Variants in DMPK observed in about 807,000 individuals in gnomAD.
DMPK encodes DM1 protein kinase.
In DMPK, 32 loss-of-function variants were observed where a neutral mutation model predicts 70.3. That is an observed-to-expected ratio of 0.46 (90% CI 0.34 to 0.61). The LOEUF (loss-of-function observed/expected upper bound fraction) is 0.61. Ranked by LOEUF, DMPK falls within the 20% of genes least tolerant of loss-of-function variation. DMPK has a pLI of 0.01. For synonymous variants in DMPK, 469 were observed against 390.9 expected, an observed-to-expected ratio of 1.20 and a Z score of -2.36; for missense variants, 899 against 886.0, an observed-to-expected ratio of 1.01 and a Z score of -0.19.
At position 45,777,161 on chromosome 19, in the gene DMPK, G is replaced by A. The variant is rs978776970; in HGVS notation, c.1146+166C>T. 9.0e-5 allele frequency: 87 copies of A among 962,050 alleles called. No individual in the cohort carries two copies. Among genetic ancestry groups the A allele is most frequent in the Non-Finnish European group, 1.2e-4 (79 of 674,750 alleles). The allele number at this position is 962,050 out of a possible 1,614,324, so 59.6% of individuals were successfully genotyped here. A position where few individuals can be genotyped will look rare whatever the true frequency, so the allele number is the denominator to read the frequency against. ...CTGCTCTGTGTTCCCCCACTGGACT[G>A]TAAGTCTAGGTCACTGCTGGGTCCT... On this transcript the variant is annotated intron_variant, in intron 8 of 14. Coordinates refer to ENST00000291270, the MANE Select transcript of DMPK (RefSeq NM_004409.5). The surrounding 1 kb of genome is among the most constrained non-coding windows in gnomAD (Gnocchi z 6.7).
chr19:45,777,388 G>A lies in DMPK; in HGVS notation c.1085C>T (p.Thr362Ile). ...PPFTPDFEGATDTCNFDLVED... is the reference protein window; with the variant it reads ...PPFTPDFEGAIDTCNFDLVED... Reference sequence around the variant, plus strand: ...CACCAAGTCGAAGTTGCATGTGTCGGTGGCACCTTCGAAATCCGGTGTAAA... The same window carrying A: ...CACCAAGTCGAAGTTGCATGTGTCGATGGCACCTTCGAAATCCGGTGTAAA... The change falls in exon 8 of 15, where the codon ACC (threonine) becomes ATC (isoleucine). Residue 362 changes from threonine (T) to isoleucine (I), a missense_variant. This residue lies in a region of DMPK where 555 missense variants were observed against 483.8 expected (regional missense o/e 1.15). Transcript: ENST00000291270. The surrounding 1 kb of genome is among the most constrained non-coding windows in gnomAD (Gnocchi z 6.7). 1 of 1,611,464 alleles carries A rather than the reference G, an allele frequency of 6.2e-7. No homozygotes were observed. The highest frequency in any genetic ancestry group is 8.5e-7 in the Non-Finnish European group (1 of 1,178,584).
intron 1 of DMPK, 88 bp downstream of exon 1, chr19:45,782,105 C>T: frequency 1.5e-5 from 9 of 600,452 alleles, no homozygotes; most frequent in East Asian, 5.5e-5. Flanking sequence ...TGCCATCCTG[C>T]CCCCCCAACA....
Position 45,771,406 on chromosome 19 carries a change from G to A in DMPK, c.1601-10C>T. 1.2e-6 allele frequency: 2 copies of A among 1,608,966 alleles called. No individual in the cohort carries two copies. The highest frequency in any genetic ancestry group is 1.7e-6 in the Non-Finnish European group (2 of 1,178,464). Reference sequence around the variant, plus strand: ...GGGACCCCCGTGACAGCTGGAAGGAGAAGAAAGAGGCATAGGGCGCGTGGA... The same window carrying A: ...GGGACCCCCGTGACAGCTGGAAGGAAAAGAAAGAGGCATAGGGCGCGTGGA... On this transcript the variant is annotated splice_polypyrimidine_tract_variant and intron_variant, in intron 12 of 14. Coordinates refer to ENST00000291270, the MANE Select transcript of DMPK (RefSeq NM_004409.5).
chr19:45,779,695 T>G (rs1213184130), intron 2 of DMPK, 83 bp downstream of exon 2: 23 of 1,529,210 alleles, frequency 1.5e-5, no homozygotes, highest in Non-Finnish European at 1.9e-5. Context: ...GGCTCGGTCA[T>G]TCATCAATTT....
At chr19:45,780,618 G>A in intron 1 of DMPK, 1 of 1,011,526 alleles carries the variant, frequency 9.9e-7, no homozygotes, top group Non-Finnish European at 1.2e-6. Flanking sequence ...GGACTGTGGG[G>A]ACAGGGAGGC....
At position 45,771,559 on chromosome 19, in the gene DMPK, G is replaced by A; in HGVS notation, c.1600+9C>T. The A allele has an allele frequency of 1.2e-6, 2 of 1,613,936 alleles. No homozygotes were observed. The highest frequency in any genetic ancestry group is 8.5e-7 in the Non-Finnish European group (1 of 1,179,942). ...GTCCTCCGGGGAAGGGGACACATGA[G>A]GGACTCACCTGTGGCTCCCTCTGCC... On this transcript the variant is annotated intron_variant, in intron 12 of 14. Coordinates refer to ENST00000291270, the MANE Select transcript of DMPK (RefSeq NM_004409.5).
rs910204357 is a variant in DMPK, at chr19:45,778,419, C to A, written c.581+74G>T. On this transcript the variant is annotated intron_variant, in intron 5 of 14. Coordinates refer to ENST00000291270, the MANE Select transcript of DMPK (RefSeq NM_004409.5). ...AGAAGGTCCCTCTCCAGGCCCTGGC[C>A]TCTCTGGGCTCTGACCTTCCAAGAA... The A allele has an allele frequency of 3.8e-6, 6 of 1,565,536 alleles. No homozygotes were observed. In the East Asian group the frequency reaches 9.0e-5, roughly 24 times the overall value.
In DMPK at chr19:45,771,332, G is replaced by A. The variant is rs552272866; in HGVS notation, c.1647+18C>T. ...AATGGGCAGCAGGTCTGAGGCAGGG[G>A]AAAGAGAGGGGTCTTACATGGGAAG... On this transcript the variant is annotated intron_variant, in intron 13 of 14. Transcript: ENST00000291270. The A allele has an allele frequency of 6.9e-6, 11 of 1,584,892 alleles. No homozygotes were observed. In the South Asian group the frequency reaches 1.1e-4, roughly 17 times the overall value.
rs986673828 is a variant in DMPK at position 45,771,048 on chromosome 19, G to T, written c.1660C>A (p.Pro554Thr). ...GGGCACTGGCCCACAGCCACGGCCG[G>T]GGGGCCATCTAGCTGGAGAGAGAAG... The part of the protein sequence containing the change: ...TDPPSHLDGP[P>T]AVAVGQCPLV... The change falls in exon 14 of 15, where the codon CCG (proline) becomes ACG (threonine). Residue 554 changes from proline (P) to threonine (T), a missense_variant. This residue lies in a region of DMPK where 555 missense variants were observed against 483.8 expected (regional missense o/e 1.15). Transcript: ENST00000291270. 1 of 1,518,006 alleles carries T rather than the reference G, an allele frequency of 6.6e-7. No homozygotes were observed. Among genetic ancestry groups the T allele is most frequent in the South Asian group, 1.2e-5 (1 of 80,268 alleles). The allele number at this position is 1,518,006 out of a possible 1,614,324, so 94.0% of individuals were successfully genotyped here. A position where few individuals can be genotyped will look rare whatever the true frequency, so the allele number is the denominator to read the frequency against.
rs1194622079 is a variant in DMPK at position 45,777,880 on chromosome 19, C to CA, written c.676-8dup. On this transcript the variant is annotated splice_polypyrimidine_tract_variant and splice_region_variant and intron_variant, in intron 6 of 14. Coordinates refer to ENST00000291270, the MANE Select transcript of DMPK (RefSeq NM_004409.5). The surrounding 1 kb of genome is among the most constrained non-coding windows in gnomAD (Gnocchi z 6.7). ...CAGCCACCAGCGACCGCACCTGGAC[C>CA]AAAAGGAGCAGAGCGAGGCTTGGGC... The CA allele has an allele frequency of 1.2e-6, 2 of 1,604,200 alleles. No individual in the cohort carries two copies. The highest frequency in any genetic ancestry group is 1.3e-5 in the African/African-American group (1 of 74,990).
At chr19:45,778,885 CCCT>C (rs1969942594) in intron 4 of DMPK, 1 of 570,326 alleles carries the variant, frequency 1.8e-6, no homozygotes, top group African/African-American at 1.9e-5. Context: ...GATTCACTCC[CCCT>C]GAGATGTTCT....
In DMPK at chr19:45,779,795, GTCCGATCACC is replaced by G; in HGVS notation, c.225_234del (p.Lys75AsnfsTer8). On this transcript the variant is annotated frameshift_variant, in exon 2 of 15. Coordinates refer to ENST00000291270, the MANE Select transcript of DMPK (RefSeq NM_004409.5). LOFTEE classifies it high-confidence loss of function. ...CGGCTTACCTCGCTGAACGCCCCGC[GTCCGATCACC>G]TTCAGAATCTCGAAGTCGTCCCTCT... 1 of 1,564,808 alleles carries G rather than the reference GTCCGATCACC, an allele frequency of 6.4e-7. No individual in the cohort carries two copies. Among genetic ancestry groups the G allele is most frequent in the Non-Finnish European group, 8.7e-7 (1 of 1,153,270 alleles).
rs768148361 is a variant in DMPK at position 45,779,765 on chromosome 19, C to G, written c.252+13G>C. On this transcript the variant is annotated intron_variant, in intron 2 of 14. Transcript: ENST00000291270. Reference sequence around the variant, plus strand: ...CCACGAGTCAAGTCAGGCTCCCGCCCGGTTCGGCTTACCTCGCTGAACGCC... The same window carrying G: ...CCACGAGTCAAGTCAGGCTCCCGCCGGGTTCGGCTTACCTCGCTGAACGCC... 15 of 1,547,240 alleles carry G rather than the reference C, an allele frequency of 9.7e-6. No homozygotes were observed. The highest frequency in any genetic ancestry group is 1.1e-5 in the Non-Finnish European group (13 of 1,146,742).
At position 45,778,719 on chromosome 19, in the gene DMPK, C is replaced by T; in HGVS notation, c.433-78G>A. On this transcript the variant is annotated intron_variant, in intron 4 of 14. Transcript: ENST00000291270. ...TCACGGATGGCTGGGACAACCCCTC[C>T]CAGAGACACCCCATCCTTGGGCAGA... 2.1e-6 allele frequency: 3 copies of T among 1,442,264 alleles called. No individual in the cohort carries two copies. In the South Asian group the frequency reaches 3.8e-5, roughly 18 times the overall value. 89.3% of individuals were successfully genotyped at this position (1,442,264 alleles called of 1,614,324 possible).
At position 45,774,980 on chromosome 19, in the gene DMPK, C is replaced by T. The variant is rs769700516; in HGVS notation, c.1201G>A (p.Val401Met). 2 of 1,613,876 alleles carry T rather than the reference C, an allele frequency of 1.2e-6. No individual in the cohort carries two copies. Among genetic ancestry groups the T allele is most frequent in the African/African-American group, 2.7e-5 (2 of 74,900 alleles). The change falls in exon 9 of 15, where the codon GTG (valine) becomes ATG (methionine). Residue 401 changes from valine (V) to methionine (M), a missense_variant. Physicochemically the swap from Val to Met is conservative, Grantham distance 21 (BLOSUM62 1). This residue lies in a region of DMPK where 555 missense variants were observed against 483.8 expected (regional missense o/e 1.15). Transcript: ENST00000291270. Reference sequence around the variant, plus strand: ...GCCATGCAGGAGTAGGAGTAGCCCACAAAAGGCAGGTGGACCCCTAGCGGC... The same window carrying T: ...GCCATGCAGGAGTAGGAGTAGCCCATAAAAGGCAGGTGGACCCCTAGCGGC... ...GAPLGVHLPF[V>M]GYSYSCMALR...
chr19:45,772,283 G>A (rs554892086), intron 10 of DMPK: 5 of 366,506 alleles, frequency 1.4e-5, no homozygotes, highest in African/African-American at 1.1e-4. Flanking sequence ...TCTCAGGAAT[G>A]ATTCAGCCAA....
Position 45,770,640 on chromosome 19 carries a change from C to A in DMPK, c.1738G>T (p.Val580Phe), listed in dbSNP as rs886818287. The stretch of plus-strand genomic sequence containing the variant: ...GCCTCCGATAGGCCAGGCCTAGGGA[C>A]CTGCGGGGAGAGGGCGAGGTCAACA... Reference protein sequence around the residue: ...HRRHLLLPARVPRPGLSEALS... With the variant: ...HRRHLLLPARFPRPGLSEALS... The change falls in exon 15 of 15, where the codon GTC becomes TTC. Residue 580 changes from valine (V) to phenylalanine (F), a missense_variant and splice_region_variant. Physicochemically the swap from Val to Phe is conservative, Grantham distance 50 (BLOSUM62 -1). Coordinates refer to ENST00000291270, the MANE Select transcript of DMPK (RefSeq NM_004409.5). The A allele has an allele frequency of 5.8e-6, 9 of 1,551,068 alleles. No homozygotes were observed. The African/African-American group carries it at 8.2e-5, about 14-fold the overall frequency.
rs1969333435 is a variant in DMPK at position 45,770,600 on chromosome 19, A to G, written c.1778T>C (p.Leu593Pro). The G allele has an allele frequency of 6.4e-7, 1 of 1,553,002 alleles. No homozygotes were observed. The highest frequency in any genetic ancestry group is 2.4e-5 in the East Asian group (1 of 41,030). ...GGCACGAGACAGAACAACGGCGAAC[A>G]GGAGCAGGGAAAGCGCCTCCGATAG... ...PGLSEALSLLLFAVVLSRAAA... is the reference protein window; with the variant it reads ...PGLSEALSLLPFAVVLSRAAA... Residue 593 changes from leucine (L) to proline (P), a missense_variant, in exon 15 of 15, where the codon CTG (leucine) becomes CCG (proline). Transcript: ENST00000291270.
rs1280408249 is a variant in DMPK, at chr19:45,772,003, A to G, written c.1345-75T>C. On this transcript the variant is annotated intron_variant, in intron 10 of 14. Transcript: ENST00000291270. Reference sequence around the variant, plus strand: ...AGGACTTGGGCACTGGTTCCAGGCTAGGAATCCTTGTTTATCCCCTACTCC... The same window carrying G: ...AGGACTTGGGCACTGGTTCCAGGCTGGGAATCCTTGTTTATCCCCTACTCC... 2.0e-6 allele frequency: 3 copies of G among 1,465,962 alleles called. No individual in the cohort carries two copies. In the East Asian group the frequency reaches 7.5e-5, roughly 36 times the overall value. 90.8% of individuals were successfully genotyped at this position (1,465,962 alleles called of 1,614,324 possible). A position where few individuals can be genotyped will look rare whatever the true frequency, so the allele number is the denominator to read the frequency against.
Sources: allele counts gnomAD v4.1 joint callset, GRCh38; gene constraint gnomAD v4.1.1; regional missense constraint gnomAD v4.1.1; non-coding constraint Gnocchi (gnomAD v3.1); transcripts MANE v1.5; gene names NCBI Gene and HGNC (gene_info 2026-07-23, HGNC 2026-07-21).